VPS13B: variants seen among roughly 807,000 people sequenced by gnomAD.
The protein encoded by VPS13B is vacuolar protein sorting 13 homolog B.
In VPS13B, 285 loss-of-function variants were observed where a neutral mutation model predicts 426.4. The observed-to-expected ratio is 0.67, with a 90% confidence interval of 0.61 to 0.74. The LOEUF is 0.74. VPS13B is among the 30% of genes least tolerant of loss of function. The pLI is 0.00. For synonymous variants in VPS13B, 1,676 were observed against 1,676.4 expected, an observed-to-expected ratio of 1.00 and a Z score of 0.01; for missense variants, 4,537 against 4,782.6, an observed-to-expected ratio of 0.95 and a Z score of 1.51.
At chr8:99,717,835 A>G (rs746756119) in intron 37 of VPS13B, among the ~76,000 whole-genome samples, 1 of 152,180 alleles carries the variant, frequency 6.6e-6, no homozygotes, top group Non-Finnish European at 1.5e-5. Flanking sequence ...AGGTTCATCC[A>G]TGTTTACCAA....
Position 99,023,018 on chromosome 8 carries a change from C to T in VPS13B, c.147+9083C>T, listed in dbSNP as rs56369524. On this transcript the variant is annotated intron_variant, in intron 2 of 61. Coordinates refer to ENST00000357162, the MANE Select transcript of VPS13B (RefSeq NM_152564.5). ...CTTTTTTTTTTTCTTTTGGACAAGG[C>T]GTTGCCCTGTTGCCCAGGCTAGAGT... 1.6e-3 allele frequency among the ~76,000 whole-genome samples: 241 copies of T among 150,796 alleles called. 1 individual carries two copies. The highest frequency in any genetic ancestry group is 5.7e-3 in the African/African-American group (232 of 41,026).
chr8:99,315,654 T>G (rs961784111), intron 19 of VPS13B, among the ~76,000 whole-genome samples: 3 of 151,768 alleles, frequency 2.0e-5, no homozygotes, highest in Admixed American at 6.6e-5. Context: ...TTTTTTTTTT[T>G]GAGACGGAGT....
chr8:99,169,019 A>C (rs947051375), intron 15 of VPS13B, among the ~76,000 whole-genome samples: 6 of 152,012 alleles, frequency 3.9e-5, no homozygotes, highest in Non-Finnish European at 8.8e-5. Context: ...CTTTTAAAGA[A>C]ATTGATAATT....
At chr8:99,212,831 C>T (rs867793476) in intron 17 of VPS13B, among the ~76,000 whole-genome samples, 4 of 152,166 alleles carry the variant, frequency 2.6e-5, no homozygotes, top group Middle Eastern at 3.2e-3. Context: ...AACTACTACT[C>T]TCCCCTTTGC....
At chr8:99,189,323 G>A (rs886402353) in intron 16 of VPS13B, among the ~76,000 whole-genome samples, 2 of 152,144 alleles carry the variant, frequency 1.3e-5, no homozygotes, top group African/African-American at 4.8e-5. Flanking sequence ...TTGTAAACAG[G>A]GTAGGAAGGA....
chr8:99,147,998 T>A lies in VPS13B; in HGVS notation c.2001T>A (p.Ile667=), dbSNP rs747119024. 3 of 1,613,354 alleles carry A rather than the reference T, an allele frequency of 1.9e-6. No homozygotes were observed. The highest frequency in any genetic ancestry group is 1.7e-6 in the Non-Finnish European group (2 of 1,179,572). The change falls in exon 14 of 62, where the codon ATT becomes ATA. Residue 667 remains isoleucine (I), a synonymous_variant. Transcript: ENST00000357162. ...TGCTGGACCATTTACTACCTGTCATTATGGGAGAAAAGGTATATTTTGTGA... is the reference window on the plus strand; with the variant it reads ...TGCTGGACCATTTACTACCTGTCATAATGGGAGAAAAGGTATATTTTGTGA... ...FNLLDHLLPV[I]MGEKNSSNFM...
At chr8:99,307,485 A>G (rs747184083) in intron 19 of VPS13B, among the ~76,000 whole-genome samples, 5 of 152,122 alleles carry the variant, frequency 3.3e-5, no homozygotes, top group African/African-American at 1.2e-4. Flanking sequence ...ATGAAACTTC[A>G]TAGGTAGAAC....
chr8:99,383,563 C>A (rs1185169251), intron 19 of VPS13B, among the ~76,000 whole-genome samples: 1 of 152,032 alleles, frequency 6.6e-6, no homozygotes, highest in African/African-American at 2.4e-5. Flanking sequence ...CAATCATTTT[C>A]TAATTTCAGA....
intron 33 of VPS13B, among the ~76,000 whole-genome samples, chr8:99,587,784 T>A (rs1265695790): frequency 6.6e-6 from 1 of 151,836 alleles, no homozygotes; most frequent in East Asian, 1.9e-4. Context: ...CTGTTCACTC[T>A]GATGGTAGTT....
intron 56 of VPS13B, among the ~76,000 whole-genome samples, chr8:99,857,453 G>A (rs1309473596): frequency 2.0e-5 from 3 of 152,220 alleles, no homozygotes; most frequent in Admixed American, 6.5e-5. Flanking sequence ...GGAATCTGCT[G>A]TTTCTTTACC....
rs1425945549 is a variant in VPS13B at position 99,835,571 on chromosome 8, A to T, written c.9775A>T (p.Ile3259Phe). 1.2e-6 allele frequency: 2 copies of T among 1,614,180 alleles called. No individual in the cohort carries two copies. The highest frequency in any genetic ancestry group is 2.7e-5 in the African/African-American group (2 of 75,050). The change falls in exon 54 of 62, where the codon ATT becomes TTT. Residue 3259 changes from isoleucine to phenylalanine, a missense_variant. This residue lies in a region of VPS13B where 4,311 missense variants were observed against 4,474.3 expected (regional missense o/e 0.96). Coordinates refer to ENST00000357162, the MANE Select transcript of VPS13B (RefSeq NM_152564.5). ...AAAGTTTGAGGTTTATTGCAAAAAAATTCCCTCCGAGTGCTCAATTCATCA... is the reference window on the plus strand; with the variant it reads ...AAAGTTTGAGGTTTATTGCAAAAAATTTCCCTCCGAGTGCTCAATTCATCA... ...IPKFEVYCKK[I>F]PSECSIHHEL...
At chr8:99,769,212 C>T (rs975785858) in intron 40 of VPS13B, among the ~76,000 whole-genome samples, 10 of 152,104 alleles carry the variant, frequency 6.6e-5, no homozygotes, top group African/African-American at 2.4e-4. Context: ...ATTTATCTCA[C>T]TTTAAATTGT....
chr8:99,418,749 G>T (rs3105189), intron 21 of VPS13B, among the ~76,000 whole-genome samples: 40,421 of 151,812 alleles, frequency 0.27, 6,123 homozygotes, highest in East Asian at 0.43. Context: ...TGAAATTTTC[G>T]GAATAAAGGA....
chr8:99,015,279 C>CT (rs1841552609), intron 2 of VPS13B, among the ~76,000 whole-genome samples: 1 of 146,868 alleles, frequency 6.8e-6, no homozygotes, highest in Non-Finnish European at 1.5e-5. Context: ...TGCAGTGGCA[C>CT]GATCTCGGCT....
intron 19 of VPS13B, among the ~76,000 whole-genome samples, chr8:99,364,440 T>C (rs949365089): frequency 2.0e-5 from 3 of 152,226 alleles, no homozygotes; most frequent in Admixed American, 6.5e-5. Flanking sequence ...CTTTTTTTTG[T>C]TTTTGTTTTT....
At chr8:99,377,250 C>CT (rs1332422088) in intron 19 of VPS13B, among the ~76,000 whole-genome samples, 3 of 152,020 alleles carry the variant, frequency 2.0e-5, no homozygotes, top group Non-Finnish European at 4.4e-5. Flanking sequence ...CAGCCATTAC[C>CT]TTTTTTAAAA....
intron 19 of VPS13B, among the ~76,000 whole-genome samples, chr8:99,348,609 A>G (rs551908337): frequency 6.6e-6 from 1 of 152,314 alleles, no homozygotes; most frequent in Admixed American, 6.5e-5. Flanking sequence ...TGATCAGAGG[A>G]TTAGTGTTGA....
At chr8:99,608,122 A>G (rs777493762) in intron 33 of VPS13B, among the ~76,000 whole-genome samples, 1 of 151,734 alleles carries the variant, frequency 6.6e-6, no homozygotes. Flanking sequence ...ATTAAAACTC[A>G]ACCAGTGGTA....
chr8:99,243,476 G>C (rs1450147608), intron 17 of VPS13B, among the ~76,000 whole-genome samples: 1 of 151,938 alleles, frequency 6.6e-6, no homozygotes, highest in African/African-American at 2.4e-5. Context: ...AATAATAGTT[G>C]ACTTTTTTTT....
Sources: allele counts gnomAD v4.1 joint callset (sites outside exome capture counted in the v4.1 genomes callset), GRCh38; gene constraint gnomAD v4.1.1; regional missense constraint gnomAD v4.1.1; transcripts MANE v1.5; gene names NCBI Gene and HGNC (gene_info 2026-07-23, HGNC 2026-07-21).